The following WDR26 variants were observed in gnomAD, a reference collection of about 807,000 sequenced individuals.
The protein encoded by WDR26 is WD repeat domain 26, also known as WD repeat-containing protein 26.
WDR26 carries 5 observed loss-of-function variants against 84.1 expected under a neutral mutation model. That is an observed-to-expected ratio of 0.06 (90% CI 0.03 to 0.13). The LOEUF (loss-of-function observed/expected upper bound fraction) is 0.13, where lower values mean the gene tolerates loss of function less well. Ranked by LOEUF, WDR26 falls within the 10% of genes least tolerant of loss-of-function variation. The pLI, the probability that WDR26 is intolerant of heterozygous loss-of-function variation, is 1.00. For missense variants in WDR26, 642 were observed against 974.9 expected (o/e 0.66, Z 4.55); for synonymous variants, 415 against 389.6 (o/e 1.07, Z -0.77).
At chr1:224,394,313 G>A (rs1673200867) in intron 12 of WDR26, among the ~76,000 whole-genome samples, 1 of 152,154 alleles carries the variant, frequency 6.6e-6, no homozygotes, top group Non-Finnish European at 1.5e-5. Flanking sequence ...ACAAATCCAG[G>A]ATAGAGATAG....
chr1:224,414,843 C>T (rs971714125), intron 6 of WDR26, among the ~76,000 whole-genome samples: 4 of 151,898 alleles, frequency 2.6e-5, no homozygotes, highest in Non-Finnish European at 5.9e-5. Flanking sequence ...AAAACAACAA[C>T]GAAAACACAA....
chr1:224,413,916 T>C (rs559680287), intron 6 of WDR26, among the ~76,000 whole-genome samples: 2 of 152,254 alleles, frequency 1.3e-5, no homozygotes, highest in African/African-American at 4.8e-5. Context: ...TTCAAGTGAT[T>C]CTCCTGCCTC....
rs748379928 is a variant in WDR26, at chr1:224,411,547, A to G, written c.1338T>C (p.Tyr446=). ...AATGCTCCGTAAGTATCTGCTGCGT[A>G]TAACATGGGAACTGCCTCCTAAAAC... The change falls in exon 7 of 14, where the codon TAT becomes TAC. Residue 446 remains tyrosine, a synonymous_variant. Transcript: ENST00000414423. 22 of 1,609,042 alleles carry G rather than the reference A, an allele frequency of 1.4e-5. No individual in the cohort carries two copies. The Admixed American group carries it at 2.9e-4, about 21-fold the overall frequency.
At chr1:224,389,943 A>T in intron 13 of WDR26, 83 bp from the exon 14 acceptor site, 3 of 1,107,464 alleles carry the variant, frequency 2.7e-6, no homozygotes, top group Non-Finnish European at 3.9e-6. Context: ...CCAGTTAGAA[A>T]GTTTCAAAAT....
intron 1 of WDR26, among the ~76,000 whole-genome samples, 182 bp downstream of exon 1, chr1:224,433,502 G>C (rs1202297985): frequency 6.6e-6 from 1 of 151,814 alleles, no homozygotes; most frequent in Non-Finnish European, 1.5e-5. Context: ...TTTCAGGTCC[G>C]CTCCTCCTCC....
intron 1 of WDR26, 68 bp downstream of exon 1, chr1:224,433,616 T>TC: frequency 7.2e-6 from 4 of 557,416 alleles, no homozygotes; most frequent in Admixed American, 4.2e-5. Context: ...CTCCGCCCCT[T>TC]CCCCTACCCC....
chr1:224,411,489 C>G lies in WDR26; in HGVS notation c.1396G>C (p.Asp466His), dbSNP rs777322811. 4 of 1,613,418 alleles carry G rather than the reference C, an allele frequency of 2.5e-6. No individual in the cohort carries two copies. The highest frequency in any genetic ancestry group is 1.7e-6 in the Non-Finnish European group (2 of 1,179,780). ...GATCCTGTTGCTAGTTTAGTGCCAT[C>G]ATTAGAGAATTTACAGAACCACACT... The change falls in exon 7 of 14, where the codon GAT (aspartate) becomes CAT (histidine). Residue 466 changes from aspartate to histidine, a missense_variant. This residue lies in a region of WDR26 where 351 missense variants were observed against 672.8 expected (regional missense o/e 0.52). Coordinates refer to ENST00000414423, the MANE Select transcript of WDR26 (RefSeq NM_001379403.1).
At chr1:224,428,832 G>A (rs369796714) in intron 3 of WDR26, among the ~76,000 whole-genome samples, 10 of 151,618 alleles carry the variant, frequency 6.6e-5, no homozygotes, top group East Asian at 5.8e-4. Flanking sequence ...CTTGAACCCC[G>A]GAGGCAGAGG....
chr1:224,408,464 G>A (rs1402774224), intron 7 of WDR26, among the ~76,000 whole-genome samples: 2 of 152,066 alleles, frequency 1.3e-5, no homozygotes, highest in African/African-American at 2.4e-5. Flanking sequence ...CTGCTACTAG[G>A]AAAAACTAAT....
Position 224,411,591 on chromosome 1 carries a change from T to C in WDR26, c.1320-26A>G, listed in dbSNP as rs1023418162. ...CTAAAACAAAGAGGTCCACAAATTA[T>C]TCTTTCAAAACAGATTAGAGTAATA... is the stretch of plus-strand genomic sequence containing the variant. On this transcript the variant is annotated intron_variant, in intron 6 of 13. Coordinates refer to ENST00000414423, the MANE Select transcript of WDR26 (RefSeq NM_001379403.1). The C allele has an allele frequency of 5.1e-6, 8 of 1,563,268 alleles. No individual in the cohort carries two copies. The African/African-American group carries it at 9.6e-5, about 19-fold the overall frequency.
In WDR26 at chr1:224,431,797, A is replaced by T; in HGVS notation, c.723-16T>A. 1 of 1,590,128 alleles carries T rather than the reference A, an allele frequency of 6.3e-7. No homozygotes were observed. The highest frequency in any genetic ancestry group is 8.6e-7 in the Non-Finnish European group (1 of 1,162,304). On this transcript the variant is annotated splice_polypyrimidine_tract_variant and intron_variant, in intron 1 of 13. Coordinates refer to ENST00000414423, the MANE Select transcript of WDR26 (RefSeq NM_001379403.1). ...AACAGTCTGGCTGCAGGAAAGATAC[A>T]GTGTAAAACAGACCTGACCAATTTT...
intron 3 of WDR26, among the ~76,000 whole-genome samples, chr1:224,425,946 C>T (rs1368312986): frequency 2.0e-5 from 3 of 152,128 alleles, no homozygotes; most frequent in East Asian, 1.9e-4. Context: ...CAACCTCTGC[C>T]TCCTGGGTTC....
chr1:224,420,753 T>C (rs534923777), intron 4 of WDR26, among the ~76,000 whole-genome samples: 1 of 152,208 alleles, frequency 6.6e-6, no homozygotes, highest in South Asian at 2.1e-4. Flanking sequence ...CTATAGGAAG[T>C]TAGCTATTGT....
intron 6 of WDR26, among the ~76,000 whole-genome samples, chr1:224,414,047 C>A (rs540549107): frequency 4.0e-5 from 6 of 151,236 alleles, no homozygotes; most frequent in Admixed American, 1.3e-4. Context: ...CCTGACCTCA[C>A]GTGATCCAGC....
At chr1:224,426,583 A>T (rs1320331068) in intron 3 of WDR26, among the ~76,000 whole-genome samples, 1 of 152,056 alleles carries the variant, frequency 6.6e-6, no homozygotes, top group Non-Finnish European at 1.5e-5. Flanking sequence ...ATTACTGTAC[A>T]TACAGCCTGA....
rs1204107757 is a variant in WDR26 at position 224,418,306 on chromosome 1, T to C, written c.1273A>G (p.Asn425Asp). 7 of 1,613,560 alleles carry C rather than the reference T, an allele frequency of 4.3e-6. No homozygotes were observed. Among genetic ancestry groups the C allele is most frequent in the East Asian group, 2.2e-5 (1 of 44,862 alleles). Residue 425 changes from asparagine (N) to aspartate (D), a missense_variant, in exon 6 of 14, where the codon AAT (asparagine) becomes GAT (aspartate). Transcript: ENST00000414423. Reference sequence around the variant, plus strand: ...AGCAGAGACACAGAATCTAGATTATTATCAAGTTTGGTATTGTGATATAGG... The same window carrying C: ...AGCAGAGACACAGAATCTAGATTATCATCAAGTTTGGTATTGTGATATAGG...
chr1:224,393,676 C>G (rs1204350465), intron 13 of WDR26, 152 bp downstream of exon 13: 3 of 579,012 alleles, frequency 5.2e-6, no homozygotes, highest in Non-Finnish European at 8.1e-6. Flanking sequence ...TACTTAAACT[C>G]ATTCTGTGGC....
chr1:224,416,058 G>C (rs1460017855), intron 6 of WDR26, among the ~76,000 whole-genome samples: 1 of 152,164 alleles, frequency 6.6e-6, no homozygotes, highest in East Asian at 1.9e-4. Context: ...AGTAGGCAAT[G>C]ATTTCAAGAA....
intron 3 of WDR26, chr1:224,430,228 T>G (rs1394194049): frequency 2.0e-5 from 3 of 152,226 alleles, no homozygotes; most frequent in African/African-American, 7.2e-5. Context: ...GATGTTTAAC[T>G]ATTTTAACTT....
Sources: gnomAD v4.1 joint callset for allele counts (sites outside exome capture counted in the v4.1 genomes callset) on GRCh38, gnomAD v4.1.1 for gene constraint, gnomAD v4.1.1 regional missense constraint, MANE v1.5 for transcripts, NCBI Gene and HGNC (gene_info 2026-07-23, HGNC 2026-07-21) for gene names.